RCOR3: variants seen among roughly 807,000 people sequenced by gnomAD.
RCOR3 encodes the protein REST corepressor 3.
A neutral mutation model predicts 64.1 loss-of-function variants in RCOR3; 13 were observed. The ratio of observed to expected loss-of-function variants is 0.20; its 90% CI spans 0.13 to 0.32. RCOR3 has a LOEUF of 0.32. Ranked by LOEUF, RCOR3 falls within the 10% of genes least tolerant of loss-of-function variation. RCOR3 has a pLI of 1.00. For synonymous variants in RCOR3, 215 were observed against 239.0 expected (o/e 0.90, Z 0.93); for missense variants, 489 against 701.2 (o/e 0.70, Z 3.42).
intron 9 of RCOR3, among the ~76,000 whole-genome samples, chr1:211,296,097 CTT>C (rs562921934): frequency 8.5e-5 from 13 of 152,248 alleles, no homozygotes; most frequent in South Asian, 6.2e-4. Flanking sequence ...CCCTTTCCTG[CTT>C]GTGTGAATTG....
In RCOR3 at chr1:211,278,029, T is replaced by C. The variant is rs138566125; in HGVS notation, c.517-88T>C. ...GTACCCATGAAATATTTTTTTATTA[T>C]GCCTTTACTAAATAGTAAAGATATC... On this transcript the variant is annotated intron_variant, in intron 5 of 11. Coordinates refer to ENST00000419091, the MANE Select transcript of RCOR3 (RefSeq NM_001136223.3). 788 of 1,181,940 alleles carry C rather than the reference T, an allele frequency of 6.7e-4. 6 individuals are homozygous for C. In the African/African-American group the frequency reaches 0.011, roughly 16 times the overall value. 73.2% of individuals were successfully genotyped at this position (1,181,940 alleles called of 1,614,324 possible). A position where few individuals can be genotyped will look rare whatever the true frequency, so the allele number is the denominator to read the frequency against.
chr1:211,307,623 T>C (rs1191677037), intron 10 of RCOR3, among the ~76,000 whole-genome samples: 1 of 152,256 alleles, frequency 6.6e-6, no homozygotes, highest in South Asian at 2.1e-4. Flanking sequence ...TAAATTATAG[T>C]ACAAAACACC....
At chr1:211,266,249 ATAT>A (rs1695173984) in intron 2 of RCOR3, among the ~76,000 whole-genome samples, 1 of 152,150 alleles carries the variant, frequency 6.6e-6, no homozygotes, top group African/African-American at 2.4e-5. Context: ...GTACAGCTTA[ATAT>A]TCTCAATATT....
At chr1:211,259,920 C>G (rs1297790025) in intron 1 of RCOR3, 188 bp from the exon 2 acceptor site, 13 of 1,018,624 alleles carry the variant, frequency 1.3e-5, no homozygotes, top group Admixed American at 6.5e-5. Flanking sequence ...AATCCTCCGC[C>G]TTTGCCCCCC....
chr1:211,293,286 T>C (rs1441463887), intron 8 of RCOR3, among the ~76,000 whole-genome samples: 1 of 152,132 alleles, frequency 6.6e-6, no homozygotes, highest in African/African-American at 2.4e-5. Flanking sequence ...TTCACATTAC[T>C]ACCAGAAGTG....
At chr1:211,277,980 T>C (rs1184974369) in intron 5 of RCOR3, 137 bp from the exon 6 acceptor site, 1 of 717,378 alleles carries the variant, frequency 1.4e-6, no homozygotes, top group Non-Finnish European at 2.2e-6. Context: ...GTAGTAGTAC[T>C]TTTTAGCTCT....
rs746038798 is a variant in RCOR3 at position 211,313,878 on chromosome 1, G to A, written c.*110G>A. On this transcript the variant is annotated 3_prime_UTR_variant, in exon 12 of 12. Coordinates refer to ENST00000419091, the MANE Select transcript of RCOR3 (RefSeq NM_001136223.3). The surrounding 1 kb of genome is among the most constrained non-coding windows in gnomAD (Gnocchi z 4.7). The stretch of plus-strand genomic sequence containing the variant: ...AATCATTTCTAGATACTGAGGCTGC[G>A]AACTAGTTCTGTGGCAGTGGACTAG... The A allele has an allele frequency of 4.8e-6, 5 of 1,038,188 alleles. No individual in the cohort carries two copies. The highest frequency in any genetic ancestry group is 3.2e-5 in the African/African-American group (2 of 62,174). 64.3% of individuals were successfully genotyped at this position (1,038,188 alleles called of 1,614,324 possible).
intron 7 of RCOR3, among the ~76,000 whole-genome samples, chr1:211,285,893 G>A (rs887425811): frequency 3.9e-5 from 6 of 152,098 alleles, no homozygotes; most frequent in African/African-American, 1.4e-4. Context: ...GTTTTATCTT[G>A]CTGCTGAATT....
At position 211,263,822 on chromosome 1, in the gene RCOR3, T is replaced by G. The variant is rs891840991; in HGVS notation, c.223+3658T>G. On this transcript the variant is annotated intron_variant, in intron 2 of 11. Coordinates refer to ENST00000419091, the MANE Select transcript of RCOR3 (RefSeq NM_001136223.3). ...AGATGAAAAGTTTTTTTTGTTTTGT[T>G]TTTTTTTTGTTTTTTTTAGGCAGAG... Among the ~76,000 whole-genome samples, 5 of 550 alleles carry G rather than the reference T, an allele frequency of 9.1e-3. No individual in the cohort carries two copies. In the South Asian group the frequency reaches 0.28, roughly 31 times the overall value. 0.4% of individuals were successfully genotyped at this position (550 alleles called of 152,430 possible).
chr1:211,271,438 A>AT, intron 3 of RCOR3, 129 bp downstream of exon 3: 2 of 708,646 alleles, frequency 2.8e-6, no homozygotes, highest in East Asian at 2.8e-5. Context: ...TTTATTTTTT[A>AT]TTTTTTTATT....
chr1:211,283,054 G>A (rs1186091951), intron 7 of RCOR3, among the ~76,000 whole-genome samples: 1 of 152,092 alleles, frequency 6.6e-6, no homozygotes, highest in Non-Finnish European at 1.5e-5. Context: ...TACATATACT[G>A]CAACTTATTC....
At chr1:211,269,372 C>T (rs568660653) in intron 2 of RCOR3, among the ~76,000 whole-genome samples, 7 of 151,948 alleles carry the variant, frequency 4.6e-5, no homozygotes, top group Admixed American at 2.6e-4. Flanking sequence ...CTGAGGCAGG[C>T]GGATCACGAG....
At chr1:211,282,256 A>G (rs1697910197) in intron 7 of RCOR3, among the ~76,000 whole-genome samples, 1 of 152,120 alleles carries the variant, frequency 6.6e-6, no homozygotes. Context: ...ATGTGTCAGC[A>G]GCTTCATTCA....
In RCOR3 at chr1:211,278,266, T is replaced by TAGG; in HGVS notation, c.641+26_641+27insGGA. 1.9e-6 allele frequency: 3 copies of TAGG among 1,612,436 alleles called. No homozygotes were observed. The South Asian group carries it at 3.3e-5, about 18-fold the overall frequency. Reference sequence around the variant, plus strand: ...GGTAGGTTGGTTACCTTCATATAGTTACATTGTTAGGGACACTGCATTGTA... The same window carrying TAGG: ...GGTAGGTTGGTTACCTTCATATAGTTAGGACATTGTTAGGGACACTGCATTGTA... On this transcript the variant is annotated intron_variant, in intron 6 of 11. Coordinates refer to ENST00000419091, the MANE Select transcript of RCOR3 (RefSeq NM_001136223.3).
At chr1:211,270,505 G>A (rs1163429170) in intron 2 of RCOR3, among the ~76,000 whole-genome samples, 2 of 151,314 alleles carry the variant, frequency 1.3e-5, no homozygotes, top group African/African-American at 2.4e-5. Flanking sequence ...GCAGACAAAA[G>A]TGTTTAAAAA....
At chr1:211,260,743 G>C (rs1278748586) in intron 2 of RCOR3, among the ~76,000 whole-genome samples, 1 of 152,184 alleles carries the variant, frequency 6.6e-6, no homozygotes, top group East Asian at 1.9e-4. Context: ...GGAGAGAAAG[G>C]GGTGGGGGAA....
intron 9 of RCOR3, chr1:211,302,210 TTC>T (rs1483381804): frequency 6.6e-6 from 1 of 152,238 alleles, no homozygotes; most frequent in Non-Finnish European, 1.5e-5. Context: ...ATCATTATCC[TTC>T]TCTGTCACTC....
At position 211,271,287 on chromosome 1, in the gene RCOR3, T is replaced by C. The variant is rs1696151658; in HGVS notation, c.279T>C (p.Tyr93=). Residue 93 remains tyrosine (Y), a synonymous_variant, in exon 3 of 12, where the codon TAT becomes TAC. Coordinates refer to ENST00000419091, the MANE Select transcript of RCOR3 (RefSeq NM_001136223.3). ...GAGGGATGCTTGTATGGTCTCCATA[T>C]CACAGTATCCCAGATGCCAAATGTA... is the stretch of plus-strand genomic sequence containing the variant. ...DNGGMLVWSP[Y]HSIPDAKLDE... The C allele has an allele frequency of 6.2e-7, 1 of 1,613,642 alleles. No homozygotes were observed. Among genetic ancestry groups the C allele is most frequent in the Non-Finnish European group, 8.5e-7 (1 of 1,179,732 alleles).
intron 7 of RCOR3, among the ~76,000 whole-genome samples, chr1:211,281,158 G>A (rs1322054398): frequency 1.2e-4 from 18 of 152,052 alleles, no homozygotes; most frequent in African/African-American, 3.6e-4. Flanking sequence ...GTGATCAGTT[G>A]TATTCTGCTT....
Sources: allele counts gnomAD v4.1 joint callset (sites outside exome capture counted in the v4.1 genomes callset), GRCh38; gene constraint gnomAD v4.1.1; non-coding constraint Gnocchi (gnomAD v3.1); transcripts MANE v1.5; gene names NCBI Gene and HGNC (gene_info 2026-07-23, HGNC 2026-07-21).